PCDH9: variants seen among roughly 807,000 people sequenced by gnomAD.
PCDH9 encodes the protein protocadherin-9.
A neutral mutation model predicts 70.6 loss-of-function variants in PCDH9; 24 were observed. The observed-to-expected ratio is 0.34, with a 90% confidence interval of 0.25 to 0.48. The LOEUF is 0.48. Among genes scored for constraint, PCDH9 ranks in the 20% least tolerant of loss-of-function variants. PCDH9 has a pLI of 0.99. For synonymous variants in PCDH9, 562 were observed against 558.5 expected (o/e 1.01, Z -0.09); for missense variants, 1,281 against 1,503.6 (o/e 0.85, Z 2.45).
intron 2 of PCDH9, among the ~76,000 whole-genome samples, chr13:67,195,356 G>T (rs1322436868): frequency 6.6e-6 from 1 of 151,992 alleles, no homozygotes; most frequent in Non-Finnish European, 1.5e-5. Flanking sequence ...TGTTAGACAG[G>T]ATGGTCTCGA....
At chr13:66,650,398 TA>T (rs1397751364) in intron 3 of PCDH9, among the ~76,000 whole-genome samples, 3 of 151,984 alleles carry the variant, frequency 2.0e-5, no homozygotes, top group African/African-American at 7.2e-5. Flanking sequence ...TATATAATGA[TA>T]AAGGGGCCAA....
At chr13:67,222,091 A>T (rs2089738339) in intron 2 of PCDH9, 1 of 152,184 alleles carries the variant, frequency 6.6e-6, no homozygotes, top group South Asian at 2.1e-4. Context: ...TTCCACAGGG[A>T]GAATCAGTAT....
chr13:66,491,847 C>G lies in PCDH9; in HGVS notation c.3340+139363G>C, dbSNP rs569047580. On this transcript the variant is annotated intron_variant, in intron 4 of 4. Transcript: ENST00000377865. The stretch of plus-strand genomic sequence containing the variant: ...TTAGACATATGTTCTATTAGTCACA[C>G]CTAGTGCAGGTACTTTGGGTTAAGC... Among the ~76,000 whole-genome samples the G allele has an allele frequency of 1.3e-3, 193 of 152,232 alleles. 1 individual carries two copies. Among genetic ancestry groups the G allele is most frequent in the African/African-American group, 4.5e-3 (187 of 41,556 alleles).
At chr13:66,348,675 ATTTTTTT>A (rs59340641) in intron 4 of PCDH9, among the ~76,000 whole-genome samples, 3,706 of 136,070 alleles carry the variant, frequency 0.027, 142 homozygotes, top group African/African-American at 0.092. Context: ...GCTATTTGCC[ATTTTTTT>A]TTTTTTTTTT....
At chr13:67,045,164 A>T (rs140739184) in intron 2 of PCDH9, among the ~76,000 whole-genome samples, 148 of 152,090 alleles carry the variant, frequency 9.7e-4, no homozygotes, top group African/African-American at 3.5e-3. Context: ...TAGGAACACA[A>T]CCCTTTACCC....
At chr13:67,127,114 A>G (rs1200438627) in intron 2 of PCDH9, among the ~76,000 whole-genome samples, 4 of 152,186 alleles carry the variant, frequency 2.6e-5, no homozygotes, top group Non-Finnish European at 5.9e-5. Context: ...GCATTATACA[A>G]AGATTTTCCT....
At chr13:67,063,344 T>C (rs260135) in intron 2 of PCDH9, among the ~76,000 whole-genome samples, 151,042 of 152,226 alleles carry the variant, frequency 0.99, 74,950 homozygotes, top group East Asian at 1. Flanking sequence ...AGCCAGGAAG[T>C]ATAAATACCA....
chr13:67,053,433 G>A (rs1220897126), intron 2 of PCDH9, among the ~76,000 whole-genome samples: 1 of 152,124 alleles, frequency 6.6e-6, no homozygotes, highest in Non-Finnish European at 1.5e-5. Flanking sequence ...GGTTGATGGG[G>A]AAATTCCAGT....
At chr13:66,380,361 C>G (rs1288450119) in intron 4 of PCDH9, among the ~76,000 whole-genome samples, 1 of 152,068 alleles carries the variant, frequency 6.6e-6, no homozygotes, top group South Asian at 2.1e-4. Flanking sequence ...ATATTCTTTT[C>G]CTAGTTCATG....
At chr13:66,557,868 T>G (rs1961805179) in intron 4 of PCDH9, among the ~76,000 whole-genome samples, 1 of 152,064 alleles carries the variant, frequency 6.6e-6, no homozygotes, top group Non-Finnish European at 1.5e-5. Context: ...AGAAGAGAAG[T>G]GGGCTGGAAA....
intron 2 of PCDH9, among the ~76,000 whole-genome samples, chr13:67,047,648 C>A (rs1056697758): frequency 1.5e-4 from 23 of 152,238 alleles, no homozygotes; most frequent in Admixed American, 4.6e-4. Flanking sequence ...TAATGTAACG[C>A]CTTTTAGTAA....
At chr13:66,950,004 T>C (rs2083151976) in intron 2 of PCDH9, among the ~76,000 whole-genome samples, 1 of 152,102 alleles carries the variant, frequency 6.6e-6, no homozygotes, top group Non-Finnish European at 1.5e-5. Context: ...ATTCACTTTG[T>C]TTACTTTTAG....
At chr13:67,094,744 CT>C (rs1194490746) in intron 2 of PCDH9, among the ~76,000 whole-genome samples, 8 of 151,206 alleles carry the variant, frequency 5.3e-5, no homozygotes, top group African/African-American at 1.9e-4. Context: ...CAAGCCAGTT[CT>C]TTGAATCATG....
chr13:66,982,526 A>C (rs1431972066), intron 2 of PCDH9, among the ~76,000 whole-genome samples: 2 of 152,130 alleles, frequency 1.3e-5, no homozygotes, highest in African/African-American at 4.8e-5. Flanking sequence ...AAAATAGTTA[A>C]ATTTGTTAAA....
intron 3 of PCDH9, among the ~76,000 whole-genome samples, chr13:66,821,706 C>A (rs2080714739): frequency 6.6e-6 from 1 of 152,074 alleles, no homozygotes; most frequent in Non-Finnish European, 1.5e-5. Context: ...AATAAAAATA[C>A]CTATTAATTG....
At chr13:66,594,626 A>G (rs1479021590) in intron 4 of PCDH9, among the ~76,000 whole-genome samples, 2 of 151,524 alleles carry the variant, frequency 1.3e-5, no homozygotes, top group Non-Finnish European at 3.0e-5. Context: ...TATTAAGCCC[A>G]GAATGCATCA....
intron 4 of PCDH9, among the ~76,000 whole-genome samples, chr13:66,449,363 A>C (rs764227152): frequency 2.0e-5 from 3 of 152,174 alleles, no homozygotes; most frequent in Non-Finnish European, 4.4e-5. Context: ...TTCTCATTAT[A>C]ACGTCTTCCT....
chr13:66,709,064 C>T (rs2078756690), intron 3 of PCDH9, among the ~76,000 whole-genome samples: 1 of 152,170 alleles, frequency 6.6e-6, no homozygotes, highest in African/African-American at 2.4e-5. Flanking sequence ...CAGGCTTTTT[C>T]ATTTGTAATA....
chr13:66,480,111 A>G (rs1166216433), intron 4 of PCDH9, among the ~76,000 whole-genome samples: 1 of 152,178 alleles, frequency 6.6e-6, no homozygotes, highest in Non-Finnish European at 1.5e-5. Context: ...CTCCTAACAC[A>G]ATACCAACAT....
Sources: gnomAD v4.1 joint callset for allele counts (sites outside exome capture counted in the v4.1 genomes callset) on GRCh38, gnomAD v4.1.1 for gene constraint, MANE v1.5 for transcripts, NCBI Gene and HGNC (gene_info 2026-07-23, HGNC 2026-07-21) for gene names.